Variants in IFI27L1 observed in about 807,000 individuals in gnomAD.
IFI27L1 encodes interferon alpha-inducible protein 27-like protein 1.
A neutral mutation model predicts 9.2 loss-of-function variants in IFI27L1; 3 were observed. The observed-to-expected ratio is 0.32, with a 90% CI of 0.15 to 0.84. The LOEUF is 0.84. Among genes scored for constraint, IFI27L1 ranks in the 40% least tolerant of loss-of-function variants. The pLI is 0.56. For synonymous variants in IFI27L1, 53 were observed against 50.0 expected (o/e 1.06, Z -0.26); for missense variants, 133 against 134.2 (o/e 0.99, Z 0.05).
At chr14:94,100,308 G>A (rs980221521) in intron 2 of IFI27L1, 13 of 985,262 alleles carry the variant, frequency 1.3e-5, no homozygotes, top group Admixed American at 6.2e-5. Flanking sequence ...CCTCTTCCTG[G>A]GGAGGTGGCT....
chr14:94,087,716 G>A (rs1255269949), intron 1 of IFI27L1, among the ~76,000 whole-genome samples: 8 of 151,916 alleles, frequency 5.3e-5, no homozygotes, highest in Non-Finnish European at 7.4e-5. Flanking sequence ...ATGAGCCACC[G>A]TGCCCAGCCG....
chr14:94,096,815 G>A (rs1017331585), intron 1 of IFI27L1, 72 bp from the exon 2 acceptor site: 6 of 775,376 alleles, frequency 7.7e-6, no homozygotes, highest in Non-Finnish European at 1.3e-5. Context: ...GTCCCAGGAG[G>A]GATGCAGAGT....
At chr14:94,096,796 G>T in intron 1 of IFI27L1, 91 bp from the exon 2 acceptor site, 1 of 627,024 alleles carries the variant, frequency 1.6e-6, no homozygotes, top group Non-Finnish European at 2.8e-6. Flanking sequence ...TATTTTTAAT[G>T]TTTTTATAGT....
At chr14:94,083,902 C>T (rs1291733087) in intron 1 of IFI27L1, among the ~76,000 whole-genome samples, 1 of 151,062 alleles carries the variant, frequency 6.6e-6, no homozygotes, top group African/African-American at 2.4e-5. Context: ...CCAGCATGGA[C>T]AACATAGCAA....
rs1324681953 is a variant in IFI27L1 at position 94,081,382 on chromosome 14, A to C, written c.-119A>C. Reference sequence around the variant, plus strand: ...GCTTTACTCCTGCCAGCTTGGGAAAAGGCCGGAGAAGGTGAAATTCTGTGT... The same window carrying C: ...GCTTTACTCCTGCCAGCTTGGGAAACGGCCGGAGAAGGTGAAATTCTGTGT... On this transcript the variant is annotated 5_prime_UTR_variant, in exon 1 of 5. Coordinates refer to ENST00000555523, the MANE Select transcript of IFI27L1 (RefSeq NM_206949.3). 6.6e-6 allele frequency: 1 copy of C among 152,184 alleles called. No homozygotes were observed. The highest frequency in any genetic ancestry group is 1.5e-5 in the Non-Finnish European group (1 of 68,028). The allele number at this position is 152,184 out of a possible 1,614,324, so 9.4% of individuals were successfully genotyped here.
intron 1 of IFI27L1, among the ~76,000 whole-genome samples, chr14:94,081,867 GAC>G (rs1567064846): frequency 6.6e-6 from 1 of 152,144 alleles, no homozygotes; most frequent in African/African-American, 2.4e-5. Context: ...TATTCCCTGA[GAC>G]ACAACAGTGT....
intron 1 of IFI27L1, among the ~76,000 whole-genome samples, chr14:94,085,623 C>T (rs1886256561): frequency 6.6e-6 from 1 of 152,012 alleles, no homozygotes; most frequent in Non-Finnish European, 1.5e-5. Context: ...TTCAATATTT[C>T]AATTTTAATG....
intron 1 of IFI27L1, among the ~76,000 whole-genome samples, chr14:94,084,563 A>C (rs1358260491): frequency 6.6e-6 from 1 of 152,222 alleles, no homozygotes; most frequent in African/African-American, 2.4e-5. Context: ...CAAAGGACTG[A>C]GCCCTGAACA....
At chr14:94,086,706 C>G (rs948701324) in intron 1 of IFI27L1, among the ~76,000 whole-genome samples, 1 of 152,124 alleles carries the variant, frequency 6.6e-6, no homozygotes, top group African/African-American at 2.4e-5. Context: ...CTTAGAAGAA[C>G]TTTTGCAAAT....
intron 1 of IFI27L1, among the ~76,000 whole-genome samples, chr14:94,081,701 G>A (rs1344304963): frequency 6.6e-6 from 1 of 152,176 alleles, no homozygotes; most frequent in Non-Finnish European, 1.5e-5. Flanking sequence ...CTGCTACAAG[G>A]GTGACGTGTG....
intron 2 of IFI27L1, among the ~76,000 whole-genome samples, chr14:94,099,595 C>T (rs956235273): frequency 6.6e-6 from 1 of 152,136 alleles, no homozygotes; most frequent in African/African-American, 2.4e-5. Context: ...CGTGGCCTTG[C>T]TGACTCCTGG....
In IFI27L1 at chr14:94,081,365, C is replaced by T. The variant is rs942026369; in HGVS notation, c.-136C>T. The T allele has an allele frequency of 6.6e-6, 1 of 152,226 alleles. No individual in the cohort carries two copies. The highest frequency in any genetic ancestry group is 1.5e-5 in the Non-Finnish European group (1 of 68,050). The allele number at this position is 152,226 out of a possible 1,614,324, so 9.4% of individuals were successfully genotyped here. A position where few individuals can be genotyped will look rare whatever the true frequency, so the allele number is the denominator to read the frequency against. On this transcript the variant is annotated 5_prime_UTR_variant, in exon 1 of 5. Transcript: ENST00000555523. ...TGGCACCTCCTCTTACAGCTTTACTCCTGCCAGCTTGGGAAAAGGCCGGAG... is the reference window on the plus strand; with the variant it reads ...TGGCACCTCCTCTTACAGCTTTACTTCTGCCAGCTTGGGAAAAGGCCGGAG...
At chr14:94,101,387 G>A (rs966632112) in intron 3 of IFI27L1, 7 of 235,822 alleles carry the variant, frequency 3.0e-5, no homozygotes, top group Non-Finnish European at 4.9e-5. Context: ...GAGGACCCCC[G>A]CGTGCTGCTG....
chr14:94,096,154 G>A (rs747050171), intron 1 of IFI27L1, among the ~76,000 whole-genome samples: 13 of 152,284 alleles, frequency 8.5e-5, no homozygotes, highest in Admixed American at 5.2e-4. Context: ...CTGGATATTG[G>A]CAACAATAAG....
chr14:94,090,681 T>C (rs1048538183), intron 1 of IFI27L1, among the ~76,000 whole-genome samples: 1 of 152,216 alleles, frequency 6.6e-6, no homozygotes, highest in Non-Finnish European at 1.5e-5. Flanking sequence ...GTAGGCAAGA[T>C]ACGAGGCTAG....
intron 1 of IFI27L1, among the ~76,000 whole-genome samples, chr14:94,087,841 G>A (rs1404367001): frequency 6.6e-6 from 1 of 152,096 alleles, no homozygotes; most frequent in African/African-American, 2.4e-5. Flanking sequence ...GCACATCTCT[G>A]ATTCTTTTCT....
chr14:94,100,205 G>A (rs1372337039), intron 2 of IFI27L1: 1 of 891,404 alleles, frequency 1.1e-6, no homozygotes, highest in Non-Finnish European at 1.3e-6. Context: ...GAGGTCCTGA[G>A]CCATGAGCTA....
At chr14:94,084,544 A>AT (rs2141444559) in intron 1 of IFI27L1, among the ~76,000 whole-genome samples, 1 of 152,310 alleles carries the variant, frequency 6.6e-6, no homozygotes, top group Admixed American at 6.5e-5. Context: ...ACCCAGTCAG[A>AT]TTAACATCCA....
At chr14:94,096,420 G>A (rs112799434) in intron 1 of IFI27L1, among the ~76,000 whole-genome samples, 13 of 152,202 alleles carry the variant, frequency 8.5e-5, no homozygotes, top group Non-Finnish European at 1.6e-4. Flanking sequence ...TTTCAGCCGG[G>A]TGCAGTGGCT....
Sources: gnomAD v4.1 joint callset for allele counts (sites outside exome capture counted in the v4.1 genomes callset) on GRCh38, gnomAD v4.1.1 for gene constraint, MANE v1.5 for transcripts, NCBI Gene and HGNC (gene_info 2026-07-23, HGNC 2026-07-21) for gene names.